Variants in ACTR3C observed in about 807,000 individuals in gnomAD.
ACTR3C encodes actin-related protein 3C.
ACTR3C carries 18 observed loss-of-function variants against 26.3 expected under a neutral mutation model. The ratio of observed to expected loss-of-function variants is 0.68; its 90% confidence interval spans 0.47 to 1.01. ACTR3C has a LOEUF of 1.01. ACTR3C is among the 50% of genes least tolerant of loss of function. The probability of loss-of-function intolerance (pLI) is 0.00; values close to 1 mark genes in which losing one functional copy is unlikely to be tolerated. For synonymous variants in ACTR3C, 55 were observed against 94.5 expected, an observed-to-expected ratio of 0.58 and a Z score of 2.42; for missense variants, 184 against 250.7, an observed-to-expected ratio of 0.73 and a Z score of 1.80.
chr7:150,011,558 C>T, the ACTR3C span, among the ~76,000 whole-genome samples: 126 of 152,222 alleles, frequency 8.3e-4, 5 homozygotes, highest in South Asian at 0.026. Flanking sequence ...GCATTCCAGC[C>T]TGGGTGACAG....
chr7:150,149,129 A>G, the ACTR3C span, among the ~76,000 whole-genome samples: 1 of 117,582 alleles, frequency 8.5e-6, no homozygotes, highest in Non-Finnish European at 1.7e-5. Flanking sequence ...ATATATATGC[A>G]TTGGCCATTT....
chr7:150,131,717 C>T, the ACTR3C span, among the ~76,000 whole-genome samples: 1 of 151,984 alleles, frequency 6.6e-6, no homozygotes, highest in Non-Finnish European at 1.5e-5. Flanking sequence ...AGATATCTAC[C>T]CAAGAGAAAC....
chr7:149,971,510 C>T, the ACTR3C span, among the ~76,000 whole-genome samples: 2 of 152,178 alleles, frequency 1.3e-5, no homozygotes, highest in Non-Finnish European at 2.9e-5. Flanking sequence ...TCTAATGCGA[C>T]TACTTTTTAT....
At chr7:150,189,450 G>A in the ACTR3C span, among the ~76,000 whole-genome samples, 5 of 151,082 alleles carry the variant, frequency 3.3e-5, no homozygotes, top group Admixed American at 1.3e-4. Flanking sequence ...GTACAATTTC[G>A]TATATTTTGA....
the ACTR3C span, among the ~76,000 whole-genome samples, chr7:149,885,779 G>A: frequency 2.6e-5 from 4 of 152,256 alleles, no homozygotes; most frequent in Non-Finnish European, 2.9e-5. Flanking sequence ...AGTCAGCTGT[G>A]ATGCCAGGTG....
chr7:149,885,839 T>C, the ACTR3C span, among the ~76,000 whole-genome samples: 1 of 152,240 alleles, frequency 6.6e-6, no homozygotes, highest in Non-Finnish European at 1.5e-5. Context: ...AACATATTTC[T>C]CTTTTTTCTC....
chr7:150,141,385 C>A, the ACTR3C span, among the ~76,000 whole-genome samples: 2 of 152,094 alleles, frequency 1.3e-5, no homozygotes, highest in Non-Finnish European at 2.9e-5. Context: ...GAGATTCAAC[C>A]CACAGGTGAG....
At chr7:150,222,596 G>A in the ACTR3C span, among the ~76,000 whole-genome samples, 3 of 152,204 alleles carry the variant, frequency 2.0e-5, no homozygotes, top group Admixed American at 2.0e-4. Flanking sequence ...TTGACTGTGA[G>A]CTCCATTATA....
the ACTR3C span, among the ~76,000 whole-genome samples, chr7:150,195,243 A>G: frequency 3.3e-5 from 5 of 151,688 alleles, no homozygotes; most frequent in Admixed American, 3.3e-4. Context: ...TAACCATGCT[A>G]TAAATACACT....
chr7:149,918,926 G>A, the ACTR3C span, among the ~76,000 whole-genome samples: 4 of 152,116 alleles, frequency 2.6e-5, no homozygotes, highest in Non-Finnish European at 5.9e-5. Context: ...ACTGGAATAG[G>A]AGGGCTGAGG....
chr7:149,961,479 G>A, the ACTR3C span, among the ~76,000 whole-genome samples: 4 of 152,026 alleles, frequency 2.6e-5, no homozygotes, highest in African/African-American at 9.7e-5. Flanking sequence ...CTTAGGAAGT[G>A]CATAGATAGG....
the ACTR3C span, among the ~76,000 whole-genome samples, chr7:149,939,646 G>C: frequency 9.9e-5 from 15 of 151,430 alleles, no homozygotes; most frequent in South Asian, 1.1e-3. Context: ...CAGCAAAGTT[G>C]GAGAGGCAGA....
chr7:150,227,848 T>C, the ACTR3C span, among the ~76,000 whole-genome samples: 1 of 151,906 alleles, frequency 6.6e-6, no homozygotes, highest in Non-Finnish European at 1.5e-5. Context: ...TCTGTTTCAT[T>C]GACCTATCTA....
the ACTR3C span, among the ~76,000 whole-genome samples, chr7:149,959,701 T>A: frequency 6.6e-6 from 1 of 152,150 alleles, no homozygotes; most frequent in Non-Finnish European, 1.5e-5. Flanking sequence ...ATAAAAGAAG[T>A]CCTAAGAAAC....
At chr7:150,093,061 C>T in the ACTR3C span, among the ~76,000 whole-genome samples, 1 of 151,384 alleles carries the variant, frequency 6.6e-6, no homozygotes, top group Non-Finnish European at 1.5e-5. Context: ...AATTATGTGA[C>T]CTCAAACAAA....
chr7:149,919,520 G>A, the ACTR3C span, among the ~76,000 whole-genome samples: 4 of 152,132 alleles, frequency 2.6e-5, no homozygotes, highest in African/African-American at 4.8e-5. Flanking sequence ...GATTACAGGC[G>A]TGAGCCACCG....
At chr7:149,953,630 T>C in the ACTR3C span, among the ~76,000 whole-genome samples, 1 of 152,330 alleles carries the variant, frequency 6.6e-6, no homozygotes, top group Non-Finnish European at 1.5e-5. Context: ...AGAAAAGACT[T>C]ATCTGGCAAT....
chr7:149,932,695 G>A, the ACTR3C span, among the ~76,000 whole-genome samples: 2 of 142,714 alleles, frequency 1.4e-5, no homozygotes, highest in Non-Finnish European at 3.0e-5. Context: ...GCGGGGGAGA[G>A]AGAGAAAGAG....
At chr7:150,295,586 A>G (rs1372562891) in intron 1 of ACTR3C, among the ~76,000 whole-genome samples, 1 of 152,212 alleles carries the variant, frequency 6.6e-6, no homozygotes, top group African/African-American at 2.4e-5. Flanking sequence ...CCAAATTAGA[A>G]CAAGTTACAG....
Sources: allele counts gnomAD v4.1 joint callset (sites outside exome capture counted in the v4.1 genomes callset), GRCh38; gene constraint gnomAD v4.1.1; transcripts MANE v1.5; gene names NCBI Gene and HGNC (gene_info 2026-07-23, HGNC 2026-07-21).